The following NAV2 variants were observed in gnomAD, a reference collection of about 807,000 sequenced individuals.
The protein encoded by NAV2 is helicase, APC down-regulated 1.
A neutral mutation model predicts 223.2 loss-of-function variants in NAV2; 54 were observed. The ratio of observed to expected loss-of-function variants is 0.24; its 90% CI spans 0.19 to 0.30. NAV2 has a LOEUF of 0.30. Among genes scored for constraint, NAV2 ranks in the 10% least tolerant of loss-of-function variants. The pLI is 1.00. For missense variants in NAV2, 2,806 were observed against 3,147.5 expected (o/e 0.89, Z 2.60); for synonymous variants, 1,279 against 1,239.3 (o/e 1.03, Z -0.67).
At position 20,107,384 on chromosome 11, in the gene NAV2, G is replaced by A. The variant is rs2062231998; in HGVS notation, c.6842-280G>A. Reference sequence around the variant, plus strand: ...TATAGGCGTGAGCCACTGCGCATGGGCTTCCATTTTTAAAAATCAAGATTA... The same window carrying A: ...TATAGGCGTGAGCCACTGCGCATGGACTTCCATTTTTAAAAATCAAGATTA... On this transcript the variant is annotated intron_variant, in intron 35 of 37. Transcript: ENST00000349880. 3 of 379,126 alleles carry A rather than the reference G, an allele frequency of 7.9e-6. No individual in the cohort carries two copies. The South Asian group carries it at 1.1e-4, about 14-fold the overall frequency. 23.5% of individuals were successfully genotyped at this position (379,126 alleles called of 1,614,324 possible).
intron 5 of NAV2, among the ~76,000 whole-genome samples, chr11:19,891,333 TA>T (rs1370222519): frequency 6.6e-6 from 1 of 152,206 alleles, no homozygotes; most frequent in Non-Finnish European, 1.5e-5. Context: ...TTTCATCATT[TA>T]TTCATCTTTC....
chr11:19,603,631 C>CAAAAAAAAAAAAA (rs1222524445), intron 1 of NAV2, among the ~76,000 whole-genome samples: 8 of 57,716 alleles, frequency 1.4e-4, no homozygotes, highest in African/African-American at 3.2e-4. Context: ...GACTCCATCT[C>CAAAAAAAAAAAAA]AAAAAAAAAA....
intron 2 of NAV2, 64 bp downstream of exon 2, chr11:19,832,665 G>A (rs2060009265): frequency 8.1e-7 from 1 of 1,230,104 alleles, no homozygotes; most frequent in South Asian, 1.2e-5. Flanking sequence ...AGGCCGGGGT[G>A]AGGGGAACAG....
Position 19,948,687 on chromosome 11 carries a change from C to T in NAV2, c.2256-4C>T. 4 of 1,568,534 alleles carry T rather than the reference C, an allele frequency of 2.6e-6. No individual in the cohort carries two copies. The highest frequency in any genetic ancestry group is 3.5e-6 in the Non-Finnish European group (4 of 1,152,550). On this transcript the variant is annotated splice_region_variant and splice_polypyrimidine_tract_variant and intron_variant, in intron 9 of 37. Coordinates refer to ENST00000349880, the MANE Select transcript of NAV2 (RefSeq NM_145117.5). ...GAGTCTAATCAGGTTGGTTTTGTTT[C>T]TAGCACATTGGAAACCACGTTTGAC...
intron 11 of NAV2, among the ~76,000 whole-genome samples, chr11:20,004,519 G>A (rs976327494): frequency 6.6e-6 from 1 of 152,188 alleles, no homozygotes; most frequent in African/African-American, 2.4e-5. Context: ...TGCCACTGAA[G>A]AAGTGACTGC....
chr11:19,683,446 T>C (rs950822629), intron 1 of NAV2, among the ~76,000 whole-genome samples: 1 of 152,242 alleles, frequency 6.6e-6, no homozygotes, highest in East Asian at 1.9e-4. Context: ...GGGTCATAAT[T>C]TGGTACAGAT....
At chr11:19,830,394 G>C (rs1022789199) in intron 1 of NAV2, among the ~76,000 whole-genome samples, 2 of 152,174 alleles carry the variant, frequency 1.3e-5, no homozygotes, top group African/African-American at 4.8e-5. Context: ...TTGTAAAATA[G>C]GTTAGTCTGG....
At chr11:19,649,881 A>G (rs1007612499) in intron 1 of NAV2, among the ~76,000 whole-genome samples, 1 of 152,232 alleles carries the variant, frequency 6.6e-6, no homozygotes, top group Non-Finnish European at 1.5e-5. Context: ...AGAAAACGAT[A>G]GTGAGATACT....
intron 1 of NAV2, among the ~76,000 whole-genome samples, chr11:19,810,486 C>A (rs1160955043): frequency 6.6e-6 from 1 of 152,176 alleles, no homozygotes; most frequent in Non-Finnish European, 1.5e-5. Context: ...GCTGAAAGAA[C>A]AAGGATATGT....
chr11:19,847,281 A>G (rs889319480), intron 3 of NAV2, among the ~76,000 whole-genome samples: 33 of 152,106 alleles, frequency 2.2e-4, no homozygotes, highest in African/African-American at 7.5e-4. Flanking sequence ...TTTTTTCATC[A>G]TTATTATTTT....
chr11:19,899,984 C>G (rs1295391466), intron 6 of NAV2, among the ~76,000 whole-genome samples: 2 of 152,150 alleles, frequency 1.3e-5, no homozygotes, highest in Non-Finnish European at 2.9e-5. Context: ...GCTATTATCC[C>G]AGGCCAGGGA....
chr11:19,549,706 C>A (rs960730327), intron 1 of NAV2, among the ~76,000 whole-genome samples: 2 of 152,234 alleles, frequency 1.3e-5, no homozygotes, highest in Non-Finnish European at 1.5e-5. Context: ...TGCTGCAGGG[C>A]AGCTCACAGG....
chr11:20,075,619 G>A (rs1428603191), intron 22 of NAV2, among the ~76,000 whole-genome samples: 3 of 152,048 alleles, frequency 2.0e-5, no homozygotes, highest in Admixed American at 1.3e-4. Flanking sequence ...ACTACAAGTA[G>A]AAATGCTCCC....
intron 1 of NAV2, among the ~76,000 whole-genome samples, chr11:19,581,888 G>A (rs903266067): frequency 5.9e-5 from 9 of 152,140 alleles, no homozygotes; most frequent in Admixed American, 2.0e-4. Context: ...CCAGTAATGG[G>A]ATGGCTGGGT....
At chr11:19,879,812 C>G in intron 4 of NAV2, 57 bp from the exon 5 acceptor site, 1 of 1,604,874 alleles carries the variant, frequency 6.2e-7, no homozygotes, top group Non-Finnish European at 8.5e-7. Context: ...CTGAAACAGC[C>G]CATTGAACAG....
chr11:19,846,601 A>C (rs2060825043), intron 3 of NAV2, among the ~76,000 whole-genome samples: 1 of 151,506 alleles, frequency 6.6e-6, no homozygotes, highest in Non-Finnish European at 1.5e-5. Flanking sequence ...TAGCACTAAT[A>C]CGCATCTACA....
At chr11:19,703,006 C>G (rs1353309485) in intron 1 of NAV2, among the ~76,000 whole-genome samples, 1 of 151,166 alleles carries the variant, frequency 6.6e-6, no homozygotes, top group African/African-American at 2.4e-5. Context: ...AACAATTCGA[C>G]ACGATTCCTT....
At chr11:19,435,091 T>C (rs1273050160) in intron 1 of NAV2, among the ~76,000 whole-genome samples, 1 of 152,230 alleles carries the variant, frequency 6.6e-6, no homozygotes, top group African/African-American at 2.4e-5. Flanking sequence ...CATTTCTTTG[T>C]GGTGAAAACA....
In NAV2 at chr11:20,103,406, A is replaced by G. The variant is rs1378158072; in HGVS notation, c.6569A>G (p.Lys2190Arg). Reference protein sequence around the residue: ...FNGLLNCKYHKCPYIIGTMNQ... With the variant: ...FNGLLNCKYHRCPYIIGTMNQ... Reference sequence around the variant, plus strand: ...GGGCTGCTCAACTGCAAGTACCACAAATGGTAAAGGCTGGTTCTGGACCTC... The same window carrying G: ...GGGCTGCTCAACTGCAAGTACCACAGATGGTAAAGGCTGGTTCTGGACCTC... Residue 2190 changes from lysine to arginine, a missense_variant, in exon 33 of 38, where the codon AAA (lysine) becomes AGA (arginine). Lys to Arg is a conservative substitution (Grantham distance 26). Coordinates refer to ENST00000349880, the MANE Select transcript of NAV2 (RefSeq NM_145117.5). 6.2e-7 allele frequency: 1 copy of G among 1,613,232 alleles called. No individual in the cohort carries two copies. The highest frequency in any genetic ancestry group is 2.2e-5 in the East Asian group (1 of 44,894).
Sources: gnomAD v4.1 joint callset for allele counts (sites outside exome capture counted in the v4.1 genomes callset) on GRCh38, gnomAD v4.1.1 for gene constraint, MANE v1.5 for transcripts, NCBI Gene and HGNC (gene_info 2026-07-23, HGNC 2026-07-21) for gene names.